The following SLC26A6 variants were observed in gnomAD, a reference collection of about 807,000 sequenced individuals.
SLC26A6 encodes the protein anion exchange transporter.
SLC26A6 carries 67 observed loss-of-function variants against 87.1 expected under a neutral mutation model. The observed-to-expected ratio is 0.77, with a 90% CI of 0.63 to 0.94. The LOEUF is 0.94. Among genes scored for constraint, SLC26A6 ranks in the 40% least tolerant of loss-of-function variants. The probability of loss-of-function intolerance (pLI) is 0.00; values close to 1 mark genes in which losing one functional copy is unlikely to be tolerated. For synonymous variants in SLC26A6, 414 were observed against 405.9 expected (o/e 1.02, Z -0.24); for missense variants, 902 against 973.0 (o/e 0.93, Z 0.97).
rs1237073804 is a variant in SLC26A6, at chr3:48,631,241, CACG to C, written c.966_968del (p.Val323del). On this transcript the variant is annotated inframe_deletion, in exon 8 of 21. Coordinates refer to ENST00000395550, the MANE Select transcript of SLC26A6 (RefSeq NM_022911.3). ...GAGCTCACCCTGCAGGGATGTTGCC[CACG>C]ACATCTACCTCAAATCTGTGCTTTA... 27 of 1,610,704 alleles carry C rather than the reference CACG, an allele frequency of 1.7e-5. No individual in the cohort carries two copies. Among genetic ancestry groups the C allele is most frequent in the Non-Finnish European group, 2.1e-5 (25 of 1,178,014 alleles).
At position 48,625,847 on chromosome 3, in the gene SLC26A6, CA is replaced by C. The variant is rs1487796315; in HGVS notation, c.*138del. On this transcript the variant is annotated 3_prime_UTR_variant, in exon 21 of 21. Coordinates refer to ENST00000395550, the MANE Select transcript of SLC26A6 (RefSeq NM_022911.3). This position sits in a 1 kb window ranked among gnomAD's most constrained non-coding sequence, Gnocchi z 4.7. The stretch of plus-strand genomic sequence containing the variant: ...ACCTGGAGCGCTGAACTTGGAGTCC[CA>C]GGACCTCCTTCCCTGAGTTGTGTGT... 2.6e-6 allele frequency: 3 copies of C among 1,154,350 alleles called. No homozygotes were observed. Among genetic ancestry groups the C allele is most frequent in the Non-Finnish European group, 3.7e-6 (3 of 803,188 alleles). 71.5% of individuals were successfully genotyped at this position (1,154,350 alleles called of 1,614,324 possible).
At chr3:48,627,124 A>G in intron 17 of SLC26A6, 69 bp from the exon 18 acceptor site, 1 of 1,544,086 alleles carries the variant, frequency 6.5e-7, no homozygotes, top group Non-Finnish European at 8.8e-7. Flanking sequence ...GCACACAGAC[A>G]CGCGAGAACA....
chr3:48,627,895 T>G (rs1270052209), intron 17 of SLC26A6, 51 bp downstream of exon 17: 1 of 1,522,088 alleles, frequency 6.6e-7, no homozygotes, highest in East Asian at 2.4e-5. Flanking sequence ...ATGTGGATCC[T>G]GCATCTCTGC....
chr3:48,628,144 C>T lies in SLC26A6; in HGVS notation c.1801-106G>A, dbSNP rs72925284. On this transcript the variant is annotated intron_variant, in intron 16 of 20. Transcript: ENST00000395550. The surrounding 1 kb of genome is among the most constrained non-coding windows in gnomAD (Gnocchi z 4.4). The stretch of plus-strand genomic sequence containing the variant: ...CCTGGTGCTGGGCAGGTGGGTGGGC[C>T]AGGACCAGAAGCTGTGGGACCTGCA... The T allele has an allele frequency of 2.5e-3, 2,789 of 1,111,442 alleles. 56 individuals are homozygous for T. In the African/African-American group the frequency reaches 0.04, roughly 16 times the overall value. The allele number at this position is 1,111,442 out of a possible 1,614,324, so 68.8% of individuals were successfully genotyped here. A position where few individuals can be genotyped will look rare whatever the true frequency, so the allele number is the denominator to read the frequency against.
Position 48,631,774 on chromosome 3 carries a change from G to A in SLC26A6, c.778C>T (p.Pro260Ser), listed in dbSNP as rs1342259766. ...YTVLEVCWKL[P>S]QSKVGTVVTA... ...ACCACGGTGCCAACCTTGCTCTGGG[G>A]CAGCTTCCAGCAGACCTCCAGCACT... is the stretch of plus-strand genomic sequence containing the variant. The change falls in exon 7 of 21, where the codon CCC becomes TCC. Residue 260 changes from proline to serine, a missense_variant. Transcript: ENST00000395550. 2.5e-6 allele frequency: 4 copies of A among 1,613,544 alleles called. No homozygotes were observed. The highest frequency in any genetic ancestry group is 2.5e-6 in the Non-Finnish European group (3 of 1,180,020).
At chr3:48,626,540 A>T in intron 19 of SLC26A6, 91 bp downstream of exon 19, 1 of 1,589,208 alleles carries the variant, frequency 6.3e-7, no homozygotes, top group Non-Finnish European at 8.6e-7. Context: ...TTCCAGAGAA[A>T]GACTTTTTCC....
rs916573520 is a variant in SLC26A6 at position 48,633,752 on chromosome 3, T to C, written c.24-117A>G. 5 of 1,515,678 alleles carry C rather than the reference T, an allele frequency of 3.3e-6. No individual in the cohort carries two copies. In the African/African-American group the frequency reaches 6.9e-5, roughly 21 times the overall value. The allele number at this position is 1,515,678 out of a possible 1,614,324, so 93.9% of individuals were successfully genotyped here. A position where few individuals can be genotyped will look rare whatever the true frequency, so the allele number is the denominator to read the frequency against. On this transcript the variant is annotated intron_variant, in intron 1 of 20. Transcript: ENST00000395550. ...ATTTTTCCAGGCCCTAAGATCAAGG[T>C]ACAGTATTCCAGCCCCCAGCTGGCA...
intron 9 of SLC26A6, 109 bp downstream of exon 9, chr3:48,630,884 T>G (rs2046768864): frequency 1.3e-6 from 2 of 1,551,542 alleles, no homozygotes; most frequent in Non-Finnish European, 1.8e-6. Flanking sequence ...GTCCCCCACG[T>G]GGCCTCAGCA....
Position 48,633,357 on chromosome 3 carries a change from G to C in SLC26A6, c.216C>G (p.Leu72=), listed in dbSNP as rs1319245975. 1 of 1,613,520 alleles carries C rather than the reference G, an allele frequency of 6.2e-7. No individual in the cohort carries two copies. Among genetic ancestry groups the C allele is most frequent in the Non-Finnish European group, 8.5e-7 (1 of 1,180,008 alleles). Residue 72 remains leucine, a synonymous_variant, in exon 3 of 21, where the codon CTC becomes CTG. Transcript: ENST00000395550. ...ACCAGACCAAAACCGGGAGGTGTTGGAGCAGAAGGGCATAGGCCCGAGCAC... is the reference window on the plus strand; with the variant it reads ...ACCAGACCAAAACCGGGAGGTGTTGCAGCAGAAGGGCATAGGCCCGAGCAC... ...CSRARAYALL[L]QHLPVLVWLP... is the part of the protein sequence containing the mutation.
rs957985743 is a variant in SLC26A6 at position 48,627,966 on chromosome 3, C to T, written c.1873G>A (p.Val625Ile). Residue 625 changes from valine (V) to isoleucine (I), a missense_variant, in exon 17 of 21, where the codon GTT becomes ATT. Around this residue, in one of 3 missense-constraint regions of SLC26A6, gnomAD observed 800 missense variants for 856.8 expected, o/e 0.93. Coordinates refer to ENST00000395550, the MANE Select transcript of SLC26A6 (RefSeq NM_022911.3). ...CTCACCATCATCTTGCAGTCCTCAA[C>T]GTTGTTGCTCCTCATGTCTTCAAGG... ...TSLEDMRSNN[V>I]EDCKMMQVSS... 5.0e-6 allele frequency: 8 copies of T among 1,593,562 alleles called. No homozygotes were observed. The highest frequency in any genetic ancestry group is 3.7e-5 in the Admixed American group (2 of 53,936).
chr3:48,626,535 GAGAA>G, intron 19 of SLC26A6, 92 bp downstream of exon 19: 2 of 1,584,108 alleles, frequency 1.3e-6, no homozygotes, highest in Non-Finnish European at 1.7e-6. Flanking sequence ...TCCAGTTCCA[GAGAA>G]AGACTTTTTC....
In SLC26A6 at chr3:48,628,221, C is replaced by T. The variant is rs754659870; in HGVS notation, c.1801-183G>A. ...GCCGTGAAAGGGAAGAGGACTGTGA[C>T]GGTTCTCACTGTCACTGGTTCAGAT... On this transcript the variant is annotated intron_variant, in intron 16 of 20. Transcript: ENST00000395550. This position sits in a 1 kb window ranked among gnomAD's most constrained non-coding sequence, Gnocchi z 4.4. The T allele has an allele frequency of 4.9e-5, 37 of 762,516 alleles. 1 individual carries two copies. The highest frequency in any genetic ancestry group is 6.9e-5 in the Non-Finnish European group (33 of 478,036). 47.2% of individuals were successfully genotyped at this position (762,516 alleles called of 1,614,324 possible). A position where few individuals can be genotyped will look rare whatever the true frequency, so the allele number is the denominator to read the frequency against.
intron 1 of SLC26A6, chr3:48,634,009 C>T (rs2046885746): frequency 2.6e-6 from 1 of 389,202 alleles, no homozygotes. Flanking sequence ...CCAGCTGCCC[C>T]GGGAGCCCAC....
intron 7 of SLC26A6, 146 bp from the exon 8 acceptor site, chr3:48,631,452 A>T: frequency 8.9e-7 from 1 of 1,119,434 alleles, no homozygotes; most frequent in Non-Finnish European, 1.2e-6. Context: ...GACAGGCAAC[A>T]CCATTTCGGC....
At chr3:48,629,807 G>C in intron 13 of SLC26A6, 65 bp downstream of exon 13, 9 of 1,610,206 alleles carry the variant, frequency 5.6e-6, no homozygotes, top group South Asian at 3.3e-5. Context: ...TGTGGGGAAA[G>C]CTGCGGGGAG....
At chr3:48,626,147 G>C in intron 20 of SLC26A6, 71 bp downstream of exon 20, 1 of 1,611,864 alleles carries the variant, frequency 6.2e-7, no homozygotes, top group Non-Finnish European at 8.5e-7. Context: ...AGACTCCCTG[G>C]AGCTGGGGCC....
chr3:48,632,196 C>A (rs748676110), intron 5 of SLC26A6, 49 bp downstream of exon 5: 3 of 1,569,310 alleles, frequency 1.9e-6, no homozygotes, highest in Non-Finnish European at 2.6e-6. Context: ...AGGACAGTGG[C>A]GGGAGCAGAA....
intron 14 of SLC26A6, among the ~76,000 whole-genome samples, chr3:48,629,109 T>C (rs934294497): frequency 6.6e-6 from 1 of 152,178 alleles, no homozygotes; most frequent in Non-Finnish European, 1.5e-5. Context: ...CAGGCATGCA[T>C]GGTAAGGGCT....
rs1476827801 is a variant in SLC26A6, at chr3:48,628,602, T to C, written c.1692+20A>G. The C allele has an allele frequency of 6.2e-7, 1 of 1,613,950 alleles. No homozygotes were observed. Among genetic ancestry groups the C allele is most frequent in the Non-Finnish European group, 8.5e-7 (1 of 1,179,980 alleles). ...TCTGGGAGCTGGGGCCTGACACCCA[T>C]CCTGGGGACTCCGTCTCACCCTCTG... On this transcript the variant is annotated intron_variant, in intron 15 of 20. Coordinates refer to ENST00000395550, the MANE Select transcript of SLC26A6 (RefSeq NM_022911.3). This position sits in a 1 kb window ranked among gnomAD's most constrained non-coding sequence, Gnocchi z 4.4.
Sources: allele counts gnomAD v4.1 joint callset (sites outside exome capture counted in the v4.1 genomes callset), GRCh38; gene constraint gnomAD v4.1.1; regional missense constraint gnomAD v4.1.1; non-coding constraint Gnocchi (gnomAD v3.1); transcripts MANE v1.5; gene names NCBI Gene and HGNC (gene_info 2026-07-23, HGNC 2026-07-21).